The following GRIN2C variants were observed in gnomAD, a reference collection of about 807,000 sequenced individuals.
GRIN2C encodes the protein glutamate ionotropic receptor NMDA type subunit 2C.
GRIN2C carries 64 observed loss-of-function variants against 77.7 expected under a neutral mutation model. The ratio of observed to expected loss-of-function variants is 0.82; its 90% CI spans 0.67 to 1.01. GRIN2C has a LOEUF of 1.01. Ranked by LOEUF, GRIN2C falls within the 50% of genes least tolerant of loss-of-function variation. The probability of loss-of-function intolerance (pLI) is 0.00; values close to 1 mark genes in which losing one functional copy is unlikely to be tolerated. For synonymous variants in GRIN2C, 792 were observed against 643.4 expected, an observed-to-expected ratio of 1.23 and a Z score of -3.49; for missense variants, 1,549 against 1,486.0, an observed-to-expected ratio of 1.04 and a Z score of -0.70.
At chr17:74,845,739 A>C (rs983335933) in intron 11 of GRIN2C, among the ~76,000 whole-genome samples, 1 of 152,056 alleles carries the variant, frequency 6.6e-6, no homozygotes, top group African/African-American at 2.4e-5. Flanking sequence ...CATCTGGGAG[A>C]GATCTTGGGA....
At position 74,842,834 on chromosome 17, in the gene GRIN2C, G is replaced by A. The variant is rs2037332648; in HGVS notation, c.3303C>T (p.Thr1101=). The change falls in exon 13 of 13, where the codon ACC becomes ACT. Residue 1101 remains threonine (T), a synonymous_variant. Coordinates refer to ENST00000293190, the MANE Select transcript of GRIN2C (RefSeq NM_000835.6). ...ARPSSLPAGC[T]GPACARPDGH... is the part of the protein sequence containing the mutation. ...CGTCGGGGCGGGCGCAGGCGGGGCC[G>A]GTGCACCCAGCGGGCAGCGAGCTGG... The A allele has an allele frequency of 5.1e-6, 3 of 592,922 alleles. No homozygotes were observed. The highest frequency in any genetic ancestry group is 8.8e-6 in the Non-Finnish European group (3 of 340,366). The allele number at this position is 592,922 out of a possible 1,614,324, so 36.7% of individuals were successfully genotyped here. A position where few individuals can be genotyped will look rare whatever the true frequency, so the allele number is the denominator to read the frequency against.
At chr17:74,853,695 C>G (rs748594739) in intron 2 of GRIN2C, 1 of 151,766 alleles carries the variant, frequency 6.6e-6, no homozygotes, top group Non-Finnish European at 1.5e-5. Flanking sequence ...ATGGCCAGGG[C>G]GAATGGGGGA....
rs1351645058 is a variant in GRIN2C at position 74,842,695 on chromosome 17, GCTGT to G, written c.3438_3441del (p.Arg1146SerfsTer64). The G allele has an allele frequency of 8.3e-6, 6 of 722,694 alleles. No individual in the cohort carries two copies. Among genetic ancestry groups the G allele is most frequent in the South Asian group, 7.3e-5 (5 of 68,252 alleles). 44.8% of individuals were successfully genotyped at this position (722,694 alleles called of 1,614,324 possible). On this transcript the variant is annotated frameshift_variant, in exon 13 of 13. Transcript: ENST00000293190. LOFTEE classifies it high-confidence loss of function. Reference sequence around the variant, plus strand: ...TGGGCGTGGGCGTGCAGGCAGACGTGCTGTCTGTGCTGCCAGGCGGGGGCCCCTG... The same window carrying G: ...TGGGCGTGGGCGTGCAGGCAGACGTGCTGTGCTGCCAGGCGGGGGCCCCTG...
chr17:74,854,514 T>C (rs111682381), intron 2 of GRIN2C, 180 bp downstream of exon 2: 15 of 590,306 alleles, frequency 2.5e-5, no homozygotes, highest in African/African-American at 2.4e-4. Flanking sequence ...GCCCAGAATA[T>C]CTCTCCTCTA....
At chr17:74,861,494 C>G (rs958112949), upstream of GRIN2C, 8 of 151,866 alleles carry the variant, frequency 5.3e-5, no homozygotes, top group African/African-American at 1.7e-4. Context: ...GGTGTCTGTC[C>G]CAGAGCCTCG....
At chr17:74,844,600 A>T in intron 11 of GRIN2C, 92 bp from the exon 12 acceptor site, 2 of 1,514,754 alleles carry the variant, frequency 1.3e-6, no homozygotes, top group South Asian at 2.6e-5. Context: ...GTAAGAAGGG[A>T]TCTGGGGCAG....
Position 74,850,876 on chromosome 17 carries a change from G to A in GRIN2C, c.1114-109C>T. On this transcript the variant is annotated intron_variant, in intron 4 of 12. Coordinates refer to ENST00000293190, the MANE Select transcript of GRIN2C (RefSeq NM_000835.6). The surrounding 1 kb of genome is among the most constrained non-coding windows in gnomAD (Gnocchi z 5.3). ...TCCCTCTCTCACCTAGGGATGCTGG[G>A]GCAGGTCAGAGTAGGGCTGCTCCCA... The A allele has an allele frequency of 2.1e-6, 2 of 950,568 alleles. No individual in the cohort carries two copies. The highest frequency in any genetic ancestry group is 3.2e-6 in the Non-Finnish European group (2 of 615,550). 58.9% of individuals were successfully genotyped at this position (950,568 alleles called of 1,614,324 possible).
intron 1 of GRIN2C, among the ~76,000 whole-genome samples, chr17:74,858,357 C>A: frequency 2.5e-3 from 1 of 394 alleles, no homozygotes; most frequent in Non-Finnish European, 5.6e-3. Flanking sequence ...GGTTGGGGGT[C>A]GGGGGGTGGG....
intron 4 of GRIN2C, chr17:74,851,341 G>T: frequency 2.0e-6 from 1 of 498,760 alleles, no homozygotes; most frequent in East Asian, 3.2e-5. Context: ...AGGAGCGCTT[G>T]AAATGTTCTA....
chr17:74,850,218 G>C lies in GRIN2C; in HGVS notation c.1479C>G (p.Gly493=), dbSNP rs1238621739. The C allele has an allele frequency of 6.2e-7, 1 of 1,613,454 alleles. No individual in the cohort carries two copies. The highest frequency in any genetic ancestry group is 1.7e-5 in the Admixed American group (1 of 60,020). The change falls in exon 6 of 13, where the codon GGC becomes GGG. Residue 493 remains glycine, a synonymous_variant. Coordinates refer to ENST00000293190, the MANE Select transcript of GRIN2C (RefSeq NM_000835.6). The surrounding 1 kb of genome is among the most constrained non-coding windows in gnomAD (Gnocchi z 5.3). ...HGKRVRGVWN[G]MIGEVYYKRA... ...GGGTGGGGCCTACCTCCCCAATCAT[G>C]CCGTTCCATACGCCGCGCACCCGCT...
In GRIN2C at chr17:74,844,354, C is replaced by A; in HGVS notation, c.2505G>T (p.Trp835Cys). The A allele has an allele frequency of 6.2e-7, 1 of 1,614,030 alleles. No homozygotes were observed. Among genetic ancestry groups the A allele is most frequent in the Non-Finnish European group, 8.5e-7 (1 of 1,180,028 alleles). Residue 835 changes from tryptophan (W) to cysteine (C), a missense_variant, in exon 12 of 13, where the codon TGG (tryptophan) becomes TGT (cysteine). Coordinates refer to ENST00000293190, the MANE Select transcript of GRIN2C (RefSeq NM_000835.6). ...GCAGCTTCCAGTAGACCAGGTGCTC[C>A]CAGGCGAAGACCAGCAGGGCCAGCC... ...AMGLALLVFA[W>C]EHLVYWKLRH... is the part of the protein sequence containing the mutation.
chr17:74,850,862 C>G lies in GRIN2C; in HGVS notation c.1114-95G>C. 1 of 1,047,224 alleles carries G rather than the reference C, an allele frequency of 9.5e-7. No individual in the cohort carries two copies. The highest frequency in any genetic ancestry group is 1.4e-6 in the Non-Finnish European group (1 of 699,142). The allele number at this position is 1,047,224 out of a possible 1,614,324, so 64.9% of individuals were successfully genotyped here. ...CAGGGCCAAGAATCTCCCTCTCTCA[C>G]CTAGGGATGCTGGGGCAGGTCAGAG... On this transcript the variant is annotated intron_variant, in intron 4 of 12. Coordinates refer to ENST00000293190, the MANE Select transcript of GRIN2C (RefSeq NM_000835.6). This position sits in a 1 kb window ranked among gnomAD's most constrained non-coding sequence, Gnocchi z 5.3.
Position 74,847,648 on chromosome 17 carries a change from G to T in GRIN2C, c.1772-111C>A. ...CCGGTCTCAGCCTGGCCTTGGGGGG[G>T]ACGCGTCCTGGCCATTCCCTCGCCA... On this transcript the variant is annotated intron_variant, in intron 8 of 12. Coordinates refer to ENST00000293190, the MANE Select transcript of GRIN2C (RefSeq NM_000835.6). This position sits in a 1 kb window ranked among gnomAD's most constrained non-coding sequence, Gnocchi z 5.2. 1.1e-6 allele frequency: 1 copy of T among 921,190 alleles called. No individual in the cohort carries two copies. Among genetic ancestry groups the T allele is most frequent in the Non-Finnish European group, 1.7e-6 (1 of 597,298 alleles). 57.1% of individuals were successfully genotyped at this position (921,190 alleles called of 1,614,324 possible).
upstream of GRIN2C, chr17:74,860,961 T>G (rs993745721): frequency 5.9e-6 from 1 of 170,702 alleles, no homozygotes; most frequent in African/African-American, 2.4e-5. Context: ...CTCGACTCCT[T>G]TCCAACCCCT....
In GRIN2C at chr17:74,847,689, C is replaced by G. The variant is rs1233463377; in HGVS notation, c.1772-152G>C. 1 of 860,846 alleles carries G rather than the reference C, an allele frequency of 1.2e-6. No individual in the cohort carries two copies. Among genetic ancestry groups the G allele is most frequent in the South Asian group, 1.6e-5 (1 of 63,466 alleles). 53.3% of individuals were successfully genotyped at this position (860,846 alleles called of 1,614,324 possible). A position where few individuals can be genotyped will look rare whatever the true frequency, so the allele number is the denominator to read the frequency against. ...TCCCTCGCCAGGTGAAGTGAGCTCA[C>G]GTGTGTGTTTCTGTGTGTGTGTGTC... On this transcript the variant is annotated intron_variant, in intron 8 of 12. Coordinates refer to ENST00000293190, the MANE Select transcript of GRIN2C (RefSeq NM_000835.6). This position sits in a 1 kb window ranked among gnomAD's most constrained non-coding sequence, Gnocchi z 5.2.
In GRIN2C at chr17:74,842,294, A is replaced by G. The variant is rs1211683092; in HGVS notation, c.*141T>C. ...GAGGCTACTGAGGTCACTGATGACC[A>G]TGGAAGACATCATCTGTCACTGGGG... On this transcript the variant is annotated 3_prime_UTR_variant, in exon 13 of 13. Coordinates refer to ENST00000293190, the MANE Select transcript of GRIN2C (RefSeq NM_000835.6). The G allele has an allele frequency of 5.0e-6, 3 of 604,436 alleles. No individual in the cohort carries two copies. Among genetic ancestry groups the G allele is most frequent in the South Asian group, 2.0e-5 (1 of 49,202 alleles). 37.4% of individuals were successfully genotyped at this position (604,436 alleles called of 1,614,324 possible). A position where few individuals can be genotyped will look rare whatever the true frequency, so the allele number is the denominator to read the frequency against.
At position 74,847,724 on chromosome 17, in the gene GRIN2C, G is replaced by A. The variant is rs975019683; in HGVS notation, c.1771+128C>T. The A allele has an allele frequency of 2.1e-6, 2 of 947,092 alleles. No homozygotes were observed. The highest frequency in any genetic ancestry group is 1.5e-5 in the South Asian group (1 of 67,400). 58.7% of individuals were successfully genotyped at this position (947,092 alleles called of 1,614,324 possible). On this transcript the variant is annotated intron_variant, in intron 8 of 12. Coordinates refer to ENST00000293190, the MANE Select transcript of GRIN2C (RefSeq NM_000835.6). This position sits in a 1 kb window ranked among gnomAD's most constrained non-coding sequence, Gnocchi z 5.2. ...TCTGTGTGTGTGTGTCATCTGACTGGCCCCCAGCATGTGCCATCCAAAAGC... is the reference window on the plus strand; with the variant it reads ...TCTGTGTGTGTGTGTCATCTGACTGACCCCCAGCATGTGCCATCCAAAAGC...
chr17:74,855,359 G>A (rs1228923668), intron 1 of GRIN2C, among the ~76,000 whole-genome samples: 1 of 152,004 alleles, frequency 6.6e-6, no homozygotes, highest in East Asian at 1.9e-4. Flanking sequence ...AGCCATGACC[G>A]GGACCCAGCC....
In GRIN2C at chr17:74,859,538, C is replaced by T. The variant is rs375688849; in HGVS notation, c.-16+206G>A. Among the ~76,000 whole-genome samples, 18 of 152,182 alleles carry T rather than the reference C, an allele frequency of 1.2e-4. No individual in the cohort carries two copies. In the East Asian group the frequency reaches 2.3e-3, roughly 20 times the overall value. On this transcript the variant is annotated intron_variant, in intron 1 of 12. Transcript: ENST00000293190. The surrounding 1 kb of genome is among the most constrained non-coding windows in gnomAD (Gnocchi z 5.9). Reference sequence around the variant, plus strand: ...TTCCGGTGAGCCGCCCCTCCTTTGCCGTCGGGTTTCCCTCCCTCCCTTTTG... The same window carrying T: ...TTCCGGTGAGCCGCCCCTCCTTTGCTGTCGGGTTTCCCTCCCTCCCTTTTG...
Sources: gnomAD v4.1 joint callset for allele counts (sites outside exome capture counted in the v4.1 genomes callset) on GRCh38, gnomAD v4.1.1 for gene constraint, Gnocchi (gnomAD v3.1) non-coding constraint, MANE v1.5 for transcripts, NCBI Gene and HGNC (gene_info 2026-07-23, HGNC 2026-07-21) for gene names.